The following MORC3 variants were observed in gnomAD, a reference collection of about 807,000 sequenced individuals.
The protein encoded by MORC3 is MORC family CW-type zinc finger 3, also known as MORC family CW-type zinc finger protein 3.
Under a neutral mutation model 109.1 loss-of-function variants are expected in MORC3, and 31 were observed. The observed-to-expected ratio is 0.28, with a 90% CI of 0.21 to 0.38. The LOEUF is 0.38. MORC3 is among the 10% of genes least tolerant of loss of function. The pLI is 1.00. For synonymous variants in MORC3, 395 were observed against 380.7 expected (o/e 1.04, Z -0.44); for missense variants, 867 against 1,135.8 (o/e 0.76, Z 3.40).
In MORC3 at chr21:36,347,500, C is replaced by G. The variant is rs528113379; in HGVS notation, c.1006-1811C>G. Reference sequence around the variant, plus strand: ...GTTACAGCTAAATTACAATGTTTATCTTTACCAGATGATGGACTGGGCCTA... The same window carrying G: ...GTTACAGCTAAATTACAATGTTTATGTTTACCAGATGATGGACTGGGCCTA... On this transcript the variant is annotated intron_variant, in intron 8 of 16. Coordinates refer to ENST00000400485, the MANE Select transcript of MORC3 (RefSeq NM_015358.3). Among the ~76,000 whole-genome samples the G allele has an allele frequency of 6.3e-4, 96 of 152,282 alleles. 2 individuals are homozygous for G. In the South Asian group the frequency reaches 0.018, roughly 29 times the overall value.
rs528504826 is a variant in MORC3 at position 36,346,165 on chromosome 21, C to T, written c.1005+1134C>T. ...CCTCCCAAGTAGCTGGGACTACTGG[C>T]GTGTGCCGCTATGCCAGGCCAAATT... On this transcript the variant is annotated intron_variant, in intron 8 of 16. Transcript: ENST00000400485. 3.9e-5 allele frequency among the ~76,000 whole-genome samples: 6 copies of T among 152,288 alleles called. No homozygotes were observed. The South Asian group carries it at 8.3e-4, about 21-fold the overall frequency.
chr21:36,354,070 C>A (rs2085611740), intron 9 of MORC3, among the ~76,000 whole-genome samples: 6 of 146,426 alleles, frequency 4.1e-5, no homozygotes, highest in Admixed American at 6.8e-5. Flanking sequence ...GACCCTGTCT[C>A]AAAAAAAAAG....
chr21:36,359,926 G>A lies in MORC3; in HGVS notation c.1209-29G>A, dbSNP rs554380333. 6.4e-5 allele frequency: 104 copies of A among 1,612,776 alleles called. No individual in the cohort carries two copies. The East Asian group carries it at 8.5e-4, about 13-fold the overall frequency. On this transcript the variant is annotated intron_variant, in intron 10 of 16. Transcript: ENST00000400485. ...AAGTATTTAGAGTCCATATTTCTGT[G>A]TTAATATTTTGTTCTTGTTTTGGGA...
At chr21:36,371,698 A>G (rs1301611033) in intron 15 of MORC3, among the ~76,000 whole-genome samples, 2 of 152,234 alleles carry the variant, frequency 1.3e-5, no homozygotes, top group Non-Finnish European at 2.9e-5. Flanking sequence ...TATAAAAAGC[A>G]TAAACTCATT....
chr21:36,355,178 A>G (rs940698080), intron 9 of MORC3, among the ~76,000 whole-genome samples: 2 of 152,164 alleles, frequency 1.3e-5, no homozygotes, highest in Non-Finnish European at 2.9e-5. Flanking sequence ...AATGAGCCTT[A>G]AAGGTCTTAT....
chr21:36,353,394 C>T (rs2085598499), intron 9 of MORC3, among the ~76,000 whole-genome samples: 1 of 148,496 alleles, frequency 6.7e-6, no homozygotes, highest in African/African-American at 2.5e-5. Context: ...TGGCCGGGTG[C>T]CGTGGCTCAG....
chr21:36,360,132 T>G, intron 11 of MORC3, 52 bp from the exon 12 acceptor site: 1 of 1,614,068 alleles, frequency 6.2e-7, no homozygotes. Flanking sequence ...CTGTTCACAG[T>G]GTATGAATAG....
intron 16 of MORC3, among the ~76,000 whole-genome samples, chr21:36,374,815 G>C (rs1007399957): frequency 2.6e-5 from 4 of 152,006 alleles, no homozygotes; most frequent in Admixed American, 2.6e-4. Context: ...GAGACTACAG[G>C]TGTCGTCACC....
At position 36,369,019 on chromosome 21, in the gene MORC3, A is replaced by G; in HGVS notation, c.1651A>G (p.Ile551Val). ...ACGGAGACTTTCTACTCGTTCCTCA[A>G]TTTTGAATGCAAAGAATCGGAGATT... ...LKRRLSTRSS[I>V]LNAKNRRLSS... is the part of the protein sequence containing the mutation. The change falls in exon 15 of 17, where the codon ATT (isoleucine) becomes GTT (valine). Residue 551 changes from isoleucine (I) to valine (V), a missense_variant. Physicochemically the swap from Ile to Val is conservative, Grantham distance 29. Coordinates refer to ENST00000400485, the MANE Select transcript of MORC3 (RefSeq NM_015358.3). 1.2e-6 allele frequency: 2 copies of G among 1,611,992 alleles called. No homozygotes were observed. Among genetic ancestry groups the G allele is most frequent in the Non-Finnish European group, 1.7e-6 (2 of 1,178,542 alleles).
intron 5 of MORC3, among the ~76,000 whole-genome samples, chr21:36,341,168 C>CTGTTTTCCTGAG (rs945846650): frequency 6.6e-6 from 1 of 152,180 alleles, no homozygotes; most frequent in Non-Finnish European, 1.5e-5. Flanking sequence ...AAATGCCAGA[C>CTGTTTTCCTGAG]TGTTTTCCTG....
chr21:36,363,027 T>C (rs1462914472), intron 13 of MORC3, among the ~76,000 whole-genome samples: 1 of 152,180 alleles, frequency 6.6e-6, no homozygotes, highest in Admixed American at 6.5e-5. Context: ...CTGCCTGGCC[T>C]CTCTCTTCTG....
At chr21:36,359,483 C>T (rs1031791342) in intron 10 of MORC3, among the ~76,000 whole-genome samples, 1 of 151,714 alleles carries the variant, frequency 6.6e-6, no homozygotes, top group Non-Finnish European at 1.5e-5. Context: ...CTGCTTTAGC[C>T]TCCCAAATTA....
At chr21:36,321,842 C>T (rs1022614598) in intron 1 of MORC3, among the ~76,000 whole-genome samples, 1 of 152,118 alleles carries the variant, frequency 6.6e-6, no homozygotes, top group Non-Finnish European at 1.5e-5. Context: ...TCTCCCTTCC[C>T]GCCCCCAGGC....
At chr21:36,357,371 G>T (rs1420717335) in intron 10 of MORC3, among the ~76,000 whole-genome samples, 2 of 151,960 alleles carry the variant, frequency 1.3e-5, no homozygotes, top group Non-Finnish European at 2.9e-5. Flanking sequence ...TGAAAAACAA[G>T]AAAGATGCAG....
In MORC3 at chr21:36,353,413, G is replaced by C. The variant is rs188643949; in HGVS notation, c.1104-3207G>C. ...CGGGTGCCGTGGCTCAGGCCGGTGCGGTGGCTCACACCTGTAATCCCAGCC... is the reference window on the plus strand; with the variant it reads ...CGGGTGCCGTGGCTCAGGCCGGTGCCGTGGCTCACACCTGTAATCCCAGCC... On this transcript the variant is annotated intron_variant, in intron 9 of 16. Coordinates refer to ENST00000400485, the MANE Select transcript of MORC3 (RefSeq NM_015358.3). 3.2e-3 allele frequency among the ~76,000 whole-genome samples: 475 copies of C among 150,732 alleles called. 2 individuals carry two copies. Among genetic ancestry groups the C allele is most frequent in the Middle Eastern group, 0.014 (4 of 292 alleles).
At chr21:36,321,026 A>C (rs2085188377) in intron 1 of MORC3, among the ~76,000 whole-genome samples, 1 of 152,168 alleles carries the variant, frequency 6.6e-6, no homozygotes, top group Non-Finnish European at 1.5e-5. Context: ...TATCCTAAAA[A>C]ACTTTTCTAC....
intron 12 of MORC3, among the ~76,000 whole-genome samples, chr21:36,361,086 A>G (rs969057867): frequency 6.6e-5 from 10 of 151,792 alleles, no homozygotes; most frequent in African/African-American, 2.4e-4. Context: ...AAAAAAAAAA[A>G]AGATAGTGGA....
chr21:36,365,064 A>AAAC (rs1555909433), intron 14 of MORC3, among the ~76,000 whole-genome samples: 1 of 151,702 alleles, frequency 6.6e-6, no homozygotes, highest in Non-Finnish European at 1.5e-5. Context: ...AAAAAAAAAA[A>AAAC]AAAAAACATG....
At chr21:36,344,488 C>T (rs1274640104) in intron 6 of MORC3, 91 bp from the exon 7 acceptor site, 1 of 1,377,494 alleles carries the variant, frequency 7.3e-7, no homozygotes, top group African/African-American at 1.5e-5. Context: ...GATCTTTTAT[C>T]AAGTTAATAG....
Sources: allele counts gnomAD v4.1 joint callset (sites outside exome capture counted in the v4.1 genomes callset), GRCh38; gene constraint gnomAD v4.1.1; transcripts MANE v1.5; gene names NCBI Gene and HGNC (gene_info 2026-07-23, HGNC 2026-07-21).